The following RALGAPA2 variants were observed in gnomAD, a reference collection of about 807,000 sequenced individuals.
RALGAPA2 encodes ral GTPase-activating protein subunit alpha-2.
A neutral mutation model predicts 230.4 loss-of-function variants in RALGAPA2; 139 were observed. That is an observed-to-expected ratio of 0.60 (90% CI 0.53 to 0.69). RALGAPA2 has a LOEUF of 0.69. Among genes scored for constraint, RALGAPA2 ranks in the 30% least tolerant of loss-of-function variants. The pLI, the probability that RALGAPA2 is intolerant of heterozygous loss-of-function variation, is 0.00. For synonymous variants in RALGAPA2, 847 were observed against 837.8 expected (o/e 1.01, Z -0.19); for missense variants, 2,163 against 2,276.0 (o/e 0.95, Z 1.01).
At chr20:20,617,440 A>G (rs750415225) in intron 12 of RALGAPA2, among the ~76,000 whole-genome samples, 11 of 152,224 alleles carry the variant, frequency 7.2e-5, no homozygotes, top group Non-Finnish European at 1.6e-4. Context: ...TAAGAAAAAC[A>G]AAAACAAAGA....
At chr20:20,435,169 C>T in intron 37 of RALGAPA2, among the ~76,000 whole-genome samples, 1 of 152,214 alleles carries the variant, frequency 6.6e-6, no homozygotes, top group Non-Finnish European at 1.5e-5. Flanking sequence ...CTCAAGGAGG[C>T]CCTGCACAGC....
chr20:20,655,793 G>A (rs1246578479), intron 3 of RALGAPA2, among the ~76,000 whole-genome samples: 1 of 152,160 alleles, frequency 6.6e-6, no homozygotes, highest in East Asian at 1.9e-4. Flanking sequence ...GCCAGGTAAA[G>A]AGAACATATA....
At chr20:20,679,064 G>A (rs564129835) in intron 2 of RALGAPA2, among the ~76,000 whole-genome samples, 1 of 152,154 alleles carries the variant, frequency 6.6e-6, no homozygotes, top group Non-Finnish European at 1.5e-5. Context: ...CTCTTTCTCT[G>A]TATATACTTT....
chr20:20,644,086 A>G (rs540420208), intron 4 of RALGAPA2, among the ~76,000 whole-genome samples: 1 of 152,304 alleles, frequency 6.6e-6, no homozygotes, highest in African/African-American at 2.4e-5. Flanking sequence ...GCAGCCCACT[A>G]GAATGAGAAA....
chr20:20,663,819 T>C (rs1603222319), intron 3 of RALGAPA2, among the ~76,000 whole-genome samples: 2 of 152,288 alleles, frequency 1.3e-5, no homozygotes, highest in African/African-American at 4.8e-5. Flanking sequence ...CTCAAACTCC[T>C]GGCCTCAAGC....
intron 5 of RALGAPA2, 127 bp from the exon 6 acceptor site, chr20:20,641,005 T>C: frequency 1.3e-6 from 1 of 794,456 alleles, no homozygotes; most frequent in Non-Finnish European, 1.9e-6. Context: ...ACCAAATTCT[T>C]CACTTAGTGA....
intron 18 of RALGAPA2, among the ~76,000 whole-genome samples, chr20:20,587,219 A>C (rs773379102): frequency 6.6e-6 from 1 of 152,212 alleles, no homozygotes. Context: ...TCTCAGCAAC[A>C]AAGAAAGACA....
intron 37 of RALGAPA2, among the ~76,000 whole-genome samples, chr20:20,426,850 C>T (rs1381756350): frequency 6.6e-6 from 1 of 152,204 alleles, no homozygotes; most frequent in African/African-American, 2.4e-5. Flanking sequence ...CCAAAGATTA[C>T]ATTTAAATAA....
rs2065790328 is a variant in RALGAPA2 at position 20,605,410 on chromosome 20, CG to C, written c.1802del (p.Thr601SerfsTer4). 2.5e-6 allele frequency: 4 copies of C among 1,605,116 alleles called. No individual in the cohort carries two copies. Among genetic ancestry groups the C allele is most frequent in the Non-Finnish European group, 3.4e-6 (4 of 1,172,544 alleles). ...AQSLAGLLFR[T>X]LMVAWIRANL... ...TTGCTCGGATCCAAGCTACCATGAG[CG>C]TCTAAAACCAACCAACCAACAAGAG... On this transcript the variant is annotated frameshift_variant and splice_region_variant, in exon 15 of 40. Coordinates refer to ENST00000202677, the MANE Select transcript of RALGAPA2 (RefSeq NM_020343.4). LOFTEE classifies it high-confidence loss of function.
At position 20,665,292 on chromosome 20, in the gene RALGAPA2, G is replaced by T. The variant is rs188760990; in HGVS notation, c.270+10944C>A. Among the ~76,000 whole-genome samples the T allele has an allele frequency of 5.0e-3, 755 of 152,240 alleles. 5 individuals carry two copies. Among genetic ancestry groups the T allele is most frequent in the African/African-American group, 0.017 (719 of 41,548 alleles). ...TCTTGGAAGCATTTTTGCTAGTATTGCCTTCCACAGGATCTCCTCTTAAGA... is the reference window on the plus strand; with the variant it reads ...TCTTGGAAGCATTTTTGCTAGTATTTCCTTCCACAGGATCTCCTCTTAAGA... On this transcript the variant is annotated intron_variant, in intron 3 of 39. Coordinates refer to ENST00000202677, the MANE Select transcript of RALGAPA2 (RefSeq NM_020343.4).
intron 37 of RALGAPA2, among the ~76,000 whole-genome samples, chr20:20,443,421 C>T (rs898756366): frequency 5.3e-5 from 8 of 152,192 alleles, no homozygotes; most frequent in Non-Finnish European, 1.0e-4. Context: ...AACTATGAAA[C>T]GATGTCTCCA....
intron 24 of RALGAPA2, among the ~76,000 whole-genome samples, chr20:20,541,057 ATTTTT>A (rs56090872): frequency 7.1e-6 from 1 of 140,840 alleles, no homozygotes; most frequent in Non-Finnish European, 1.5e-5. Context: ...AGTCAGGAGA[ATTTTT>A]TTTTTTTTTT....
At chr20:20,597,176 A>G (rs150042374) in intron 16 of RALGAPA2, among the ~76,000 whole-genome samples, 6 of 152,348 alleles carry the variant, frequency 3.9e-5, no homozygotes, top group African/African-American at 1.4e-4. Context: ...GGACTGTGAC[A>G]TAAGAAAACT....
chr20:20,546,654 C>A lies in RALGAPA2; in HGVS notation c.3285+50G>T, dbSNP rs192290447. On this transcript the variant is annotated intron_variant, in intron 24 of 39. Coordinates refer to ENST00000202677, the MANE Select transcript of RALGAPA2 (RefSeq NM_020343.4). ...AGTGGAGAAATCTGAACCTTGTTAGCGATTGTGAAGCCTCTTGGGAGCTGG... is the reference window on the plus strand; with the variant it reads ...AGTGGAGAAATCTGAACCTTGTTAGAGATTGTGAAGCCTCTTGGGAGCTGG... 1.8e-3 allele frequency: 2,781 copies of A among 1,519,864 alleles called. 6 individuals are homozygous for A. Among genetic ancestry groups the A allele is most frequent in the Admixed American group, 3.4e-3 (147 of 43,310 alleles). The allele number at this position is 1,519,864 out of a possible 1,614,324, so 94.1% of individuals were successfully genotyped here.
intron 1 of RALGAPA2, among the ~76,000 whole-genome samples, chr20:20,689,436 G>C (rs1296160479): frequency 6.6e-6 from 1 of 152,214 alleles, no homozygotes; most frequent in African/African-American, 2.4e-5. Context: ...GAGGTCAAAA[G>C]GTCAAGATCA....
intron 27 of RALGAPA2, among the ~76,000 whole-genome samples, chr20:20,527,583 C>T (rs560978957): frequency 6.6e-6 from 1 of 152,172 alleles, no homozygotes; most frequent in African/African-American, 2.4e-5. Context: ...CTCCCTGAGG[C>T]CACCACACCG....
chr20:20,597,137 C>G (rs573974352), intron 16 of RALGAPA2, among the ~76,000 whole-genome samples: 2 of 152,162 alleles, frequency 1.3e-5, no homozygotes, highest in East Asian at 3.9e-4. Flanking sequence ...TAGTGAAAAA[C>G]TTAAGAGAAA....
chr20:20,674,188 A>AAAT (rs72521913), intron 3 of RALGAPA2, among the ~76,000 whole-genome samples: 46,171 of 146,190 alleles, frequency 0.32, 8,827 homozygotes, highest in Middle Eastern at 0.44. Flanking sequence ...ACCCTGACTC[A>AAAT]AATAATAATA....
At chr20:20,707,517 C>T (rs1042114965) in intron 1 of RALGAPA2, among the ~76,000 whole-genome samples, 3 of 152,042 alleles carry the variant, frequency 2.0e-5, no homozygotes, top group African/African-American at 7.2e-5. Flanking sequence ...ATGAGAGGAA[C>T]AAAACATCAA....
Sources: allele counts gnomAD v4.1 joint callset (sites outside exome capture counted in the v4.1 genomes callset), GRCh38; gene constraint gnomAD v4.1.1; transcripts MANE v1.5; gene names NCBI Gene and HGNC (gene_info 2026-07-23, HGNC 2026-07-21).